Variants in ADAMTS13 observed in about 807,000 individuals in gnomAD.
ADAMTS13 encodes the protein A disintegrin and metalloproteinase with thrombospondin motifs 13.
ADAMTS13 carries 110 observed loss-of-function variants against 155.1 expected under a neutral mutation model. The observed-to-expected ratio is 0.71, with a 90% confidence interval of 0.61 to 0.83. ADAMTS13 has a LOEUF of 0.83. Ranked by LOEUF, ADAMTS13 falls within the 40% of genes least tolerant of loss-of-function variation. The probability of loss-of-function intolerance (pLI) is 0.00; values close to 1 mark genes in which losing one functional copy is unlikely to be tolerated. For synonymous variants in ADAMTS13, 758 were observed against 756.4 expected (o/e 1.00, Z -0.03); for missense variants, 1,707 against 1,891.7 (o/e 0.90, Z 1.81).
chr9:133,446,537 A>T (rs1376624064), intron 21 of ADAMTS13, among the ~76,000 whole-genome samples: 1 of 152,244 alleles, frequency 6.6e-6, no homozygotes, highest in East Asian at 1.9e-4. Flanking sequence ...AAAAGATTCC[A>T]TTGTGAGTGT....
At chr9:133,455,849 GCC>G (rs1842708837) in intron 25 of ADAMTS13, 1 of 761,118 alleles carries the variant, frequency 1.3e-6, no homozygotes, top group Non-Finnish European at 2.2e-6. Flanking sequence ...CTCTGCATGT[GCC>G]CCCTCTTGCT....
intron 18 of ADAMTS13, among the ~76,000 whole-genome samples, 153 bp from the exon 19 acceptor site, chr9:133,443,223 G>A (rs1048261021): frequency 4.6e-5 from 7 of 152,198 alleles, no homozygotes; most frequent in African/African-American, 9.7e-5. Context: ...AGGCTCAGCC[G>A]TCTGGCAGCC....
chr9:133,421,459 C>T (rs1022320016), upstream of ADAMTS13, among the ~76,000 whole-genome samples: 4 of 152,300 alleles, frequency 2.6e-5, no homozygotes, highest in East Asian at 1.9e-4. Flanking sequence ...CACTTACCAC[C>T]TTTGAACATA....
chr9:133,425,439 T>C lies in ADAMTS13; in HGVS notation c.331-90T>C, dbSNP rs1840216158. On this transcript the variant is annotated intron_variant, in intron 3 of 28. Coordinates refer to ENST00000355699, the MANE Select transcript of ADAMTS13 (RefSeq NM_139027.6). The surrounding 1 kb of genome is among the most constrained non-coding windows in gnomAD (Gnocchi z 4.6). ...CTGGTGGAGTAGCCTCTCCAGCTCT[T>C]CACACTCCGGGGGCCCCTGGGAGTC... The C allele has an allele frequency of 1.2e-5, 14 of 1,193,646 alleles. No individual in the cohort carries two copies. Among genetic ancestry groups the C allele is most frequent in the Non-Finnish European group, 1.6e-5 (13 of 831,430 alleles). 73.9% of individuals were successfully genotyped at this position (1,193,646 alleles called of 1,614,324 possible).
rs1842671370 is a variant in ADAMTS13 at position 133,455,300 on chromosome 9, G to T, written c.3265G>T (p.Gly1089Trp). ...CTCTTGGCAGTGCTCTGTTTCCTGT[G>T]GGGATGGCATCCAGCGCCGGCGTGA... ...GTWMECSVSC[G>W]DGIQRRRDTC... Residue 1089 changes from glycine (G) to tryptophan (W), a missense_variant, in exon 25 of 29, where the codon GGG (glycine) becomes TGG (tryptophan). Physicochemically the swap from Gly to Trp is radical, Grantham distance 184 (BLOSUM62 -2). Around this residue, in one of 3 missense-constraint regions of ADAMTS13, gnomAD observed 961 missense variants for 1,107.9 expected, o/e 0.87. Coordinates refer to ENST00000355699, the MANE Select transcript of ADAMTS13 (RefSeq NM_139027.6). The T allele has an allele frequency of 1.2e-6, 2 of 1,603,040 alleles. No homozygotes were observed. Among genetic ancestry groups the T allele is most frequent in the South Asian group, 1.1e-5 (1 of 91,088 alleles).
At position 133,440,209 on chromosome 9, in the gene ADAMTS13, G is replaced by C; in HGVS notation, c.1787-135G>C. ...AAGAGGCCTAGAGCCTCCGCTGTGG[G>C]GAAGCCTCTAGCTCAGATGCCTGTG... is the stretch of plus-strand genomic sequence containing the variant. On this transcript the variant is annotated intron_variant, in intron 15 of 28. Transcript: ENST00000355699. This position sits in a 1 kb window ranked among gnomAD's most constrained non-coding sequence, Gnocchi z 4.3. 9.2e-7 allele frequency: 1 copy of C among 1,088,602 alleles called. No individual in the cohort carries two copies. The highest frequency in any genetic ancestry group is 1.4e-6 in the Non-Finnish European group (1 of 728,404). 67.4% of individuals were successfully genotyped at this position (1,088,602 alleles called of 1,614,324 possible). A position where few individuals can be genotyped will look rare whatever the true frequency, so the allele number is the denominator to read the frequency against.
At position 133,449,930 on chromosome 9, in the gene ADAMTS13, C is replaced by G. The variant is rs145835995; in HGVS notation, c.3009C>G (p.Pro1003=). The stretch of plus-strand genomic sequence containing the variant: ...GCCAGGGGCTGCCTCGCCCGGAACC[C>G]CAGGAGGCCTGCAGCCTGGAGCCCT... The part of the protein sequence containing the change: ...TQCQGLPRPE[P]QEACSLEPCP... The change falls in exon 23 of 29, where the codon CCC becomes CCG. Residue 1003 remains proline, a synonymous_variant. Coordinates refer to ENST00000355699, the MANE Select transcript of ADAMTS13 (RefSeq NM_139027.6). The G allele has an allele frequency of 6.2e-7, 1 of 1,611,066 alleles. No homozygotes were observed. The highest frequency in any genetic ancestry group is 1.7e-5 in the Admixed American group (1 of 59,576).
intron 1 of ADAMTS13, chr9:133,414,871 T>TCCTGCC (rs1483237848): frequency 1.2e-6 from 2 of 1,614,074 alleles, no homozygotes; most frequent in Non-Finnish European, 1.7e-6. Flanking sequence ...CCTGGTCTTT[T>TCCTGCC]CCTGCCGGCA....
chr9:133,457,481 C>T (rs2130954584), intron 27 of ADAMTS13, among the ~76,000 whole-genome samples: 1 of 152,380 alleles, frequency 6.6e-6, no homozygotes, highest in South Asian at 2.1e-4. Flanking sequence ...CTTCTCGCTT[C>T]CCGGCCCAGC....
rs587655742 is a variant in ADAMTS13 at position 133,422,684 on chromosome 9, T to C, written c.105+136T>C. 7 of 804,310 alleles carry C rather than the reference T, an allele frequency of 8.7e-6. No individual in the cohort carries two copies. The Admixed American group carries it at 1.5e-4, about 17-fold the overall frequency. 49.8% of individuals were successfully genotyped at this position (804,310 alleles called of 1,614,324 possible). On this transcript the variant is annotated intron_variant, in intron 1 of 28. Transcript: ENST00000355699. ...TGCGCTGGGCAGGGGAGTCTGTACT[T>C]GGGGCTTTGGGGGATGAAGTGTGCT... is the stretch of plus-strand genomic sequence containing the variant.
At position 133,424,205 on chromosome 9, in the gene ADAMTS13, G is replaced by A. The variant is rs188758224; in HGVS notation, c.173-116G>A. On this transcript the variant is annotated intron_variant, in intron 2 of 28. Transcript: ENST00000355699. The surrounding 1 kb of genome is among the most constrained non-coding windows in gnomAD (Gnocchi z 4.3). ...CTGGCTCTTGGGGTGGGGGTGACAC[G>A]CAATGTCTTGACTTCGGAAGGCCAT... The A allele has an allele frequency of 7.3e-6, 11 of 1,513,730 alleles. No individual in the cohort carries two copies. In the African/African-American group the frequency reaches 9.6e-5, roughly 13 times the overall value. 93.8% of individuals were successfully genotyped at this position (1,513,730 alleles called of 1,614,324 possible).
chr9:133,440,617 C>T lies in ADAMTS13; in HGVS notation c.1968+92C>T, dbSNP rs28645493. 18 of 1,392,758 alleles carry T rather than the reference C, an allele frequency of 1.3e-5. No homozygotes were observed. The highest frequency in any genetic ancestry group is 2.5e-5 in the East Asian group (1 of 39,884). 86.3% of individuals were successfully genotyped at this position (1,392,758 alleles called of 1,614,324 possible). ...TTGTCTATCCATCCATTCCCTGATT[C>T]GTTCATTTATTCATTCAGCGGTCAC... is the stretch of plus-strand genomic sequence containing the variant. On this transcript the variant is annotated intron_variant, in intron 16 of 28. Transcript: ENST00000355699. This position sits in a 1 kb window ranked among gnomAD's most constrained non-coding sequence, Gnocchi z 4.3.
In ADAMTS13 at chr9:133,441,460, T is replaced by A. The variant is rs1841667394; in HGVS notation, c.1968+935T>A. On this transcript the variant is annotated intron_variant, in intron 16 of 28. Transcript: ENST00000355699. The surrounding 1 kb of genome is among the most constrained non-coding windows in gnomAD (Gnocchi z 5.0). ...AAAGCAGATTCCCGGGTCCTCTGCA[T>A]ATTCCCTGAATCAGGACTTCCCTGT... Among the ~76,000 whole-genome samples the A allele has an allele frequency of 6.6e-6, 1 of 152,204 alleles. No individual in the cohort carries two copies. The highest frequency in any genetic ancestry group is 6.5e-5 in the Admixed American group (1 of 15,280).
exon 1 of ADAMTS13, chr9:133,414,500 G>T: frequency 1.4e-6 from 1 of 737,308 alleles, no homozygotes; most frequent in Non-Finnish European, 2.4e-6. Flanking sequence ...CTTATCATGC[G>T]CACACTCTAG....
At position 133,444,989 on chromosome 9, in the gene ADAMTS13, A is replaced by G. The variant is rs1231595598; in HGVS notation, c.2547A>G (p.Val849=). 1.1e-5 allele frequency: 18 copies of G among 1,613,390 alleles called. No homozygotes were observed. Among genetic ancestry groups the G allele is most frequent in the Non-Finnish European group, 1.4e-5 (17 of 1,180,022 alleles). The stretch of plus-strand genomic sequence containing the variant: ...CAGTGACTGAGGGGCCTGGCTCCGT[A>G]GATGAGAAGCTGCCTGCCCCTGAGC... ...EAPVTEGPGS[V]DEKLPAPEPC... Residue 849 remains valine, a synonymous_variant, in exon 20 of 29, where the codon GTA becomes GTG. Transcript: ENST00000355699.
At chr9:133,450,540 G>A (rs1842371467) in intron 23 of ADAMTS13, among the ~76,000 whole-genome samples, 1 of 150,078 alleles carries the variant, frequency 6.7e-6, no homozygotes, top group African/African-American at 2.5e-5. Flanking sequence ...ACTCCAGCCT[G>A]GCTAACAGCA....
At position 133,425,432 on chromosome 9, in the gene ADAMTS13, C is replaced by A; in HGVS notation, c.331-97C>A. 2 of 1,055,452 alleles carry A rather than the reference C, an allele frequency of 1.9e-6. No homozygotes were observed. Among genetic ancestry groups the A allele is most frequent in the South Asian group, 1.4e-5 (1 of 69,558 alleles). The allele number at this position is 1,055,452 out of a possible 1,614,324, so 65.4% of individuals were successfully genotyped here. A position where few individuals can be genotyped will look rare whatever the true frequency, so the allele number is the denominator to read the frequency against. On this transcript the variant is annotated intron_variant, in intron 3 of 28. Coordinates refer to ENST00000355699, the MANE Select transcript of ADAMTS13 (RefSeq NM_139027.6). This position sits in a 1 kb window ranked among gnomAD's most constrained non-coding sequence, Gnocchi z 4.6. ...ACACATGCTGGTGGAGTAGCCTCTC[C>A]AGCTCTTCACACTCCGGGGGCCCCT...
At chr9:133,414,798 T>G in intron 1 of ADAMTS13, 1 of 1,614,180 alleles carries the variant, frequency 6.2e-7, no homozygotes, top group Non-Finnish European at 8.5e-7. Context: ...CTGGCCTTGG[T>G]GCGAGGTACT....
rs1588210003 is a variant in ADAMTS13 at position 133,456,450 on chromosome 9, T to G, written c.3548-93T>G. The G allele has an allele frequency of 1.5e-5, 22 of 1,502,296 alleles. No individual in the cohort carries two copies. The highest frequency in any genetic ancestry group is 2.0e-5 in the Non-Finnish European group (22 of 1,102,760). 93.1% of individuals were successfully genotyped at this position (1,502,296 alleles called of 1,614,324 possible). A position where few individuals can be genotyped will look rare whatever the true frequency, so the allele number is the denominator to read the frequency against. On this transcript the variant is annotated intron_variant, in intron 26 of 28. Coordinates refer to ENST00000355699, the MANE Select transcript of ADAMTS13 (RefSeq NM_139027.6). The surrounding 1 kb of genome is among the most constrained non-coding windows in gnomAD (Gnocchi z 4.4). ...GTCACATAGCCAGCAGTGGGAGAGG[T>G]GGGACTTGAACTCGGCTCAGTCTAC...
Sources: allele counts gnomAD v4.1 joint callset (sites outside exome capture counted in the v4.1 genomes callset), GRCh38; gene constraint gnomAD v4.1.1; regional missense constraint gnomAD v4.1.1; non-coding constraint Gnocchi (gnomAD v3.1); transcripts MANE v1.5; gene names NCBI Gene and HGNC (gene_info 2026-07-23, HGNC 2026-07-21).